PHTF2: variants seen among roughly 807,000 people sequenced by gnomAD.
PHTF2 encodes protein PHTF2.
A neutral mutation model predicts 101.2 loss-of-function variants in PHTF2; 60 were observed. That is an observed-to-expected ratio of 0.59 (90% CI 0.48 to 0.73). The LOEUF (loss-of-function observed/expected upper bound fraction) is 0.73, where lower values mean the gene tolerates loss of function less well. Ranked by LOEUF, PHTF2 falls within the 30% of genes least tolerant of loss-of-function variation. The pLI, the probability that PHTF2 is intolerant of heterozygous loss-of-function variation, is 0.00. For missense variants in PHTF2, 747 were observed against 908.7 expected (o/e 0.82, Z 2.29); for synonymous variants, 311 against 307.3 (o/e 1.01, Z -0.13).
At chr7:77,814,832 T>G (rs896712629) in intron 1 of PHTF2, among the ~76,000 whole-genome samples, 3 of 151,966 alleles carry the variant, frequency 2.0e-5, no homozygotes, top group African/African-American at 7.2e-5. Flanking sequence ...TCCAGCACTT[T>G]GGGAGGCTGA....
chr7:77,955,296 A>G (rs1032811595), exon 20 of PHTF2: 1 of 153,064 alleles, frequency 6.5e-6, no homozygotes, highest in African/African-American at 2.4e-5. Flanking sequence ...AGCTATACAC[A>G]TAAAACATTT....
chr7:77,850,360 C>CAAAAAAAAAAAAAAAAA (rs71082789), intron 2 of PHTF2, among the ~76,000 whole-genome samples: 12 of 44,390 alleles, frequency 2.7e-4, no homozygotes, highest in African/African-American at 4.3e-4. Context: ...GACCTTGTCT[C>CAAAAAAAAAAAAAAAAA]AAAAAAAAAA....
chr7:77,922,898 T>C, intron 11 of PHTF2, 120 bp downstream of exon 10: 1 of 1,284,274 alleles, frequency 7.8e-7, no homozygotes, highest in Middle Eastern at 2.8e-4. Flanking sequence ...TCAATATTTA[T>C]TATTGTTGTA....
intron 11 of PHTF2, chr7:77,923,176 C>T (rs1803642747): frequency 1.1e-6 from 1 of 945,850 alleles, no homozygotes; most frequent in Non-Finnish European, 1.3e-6. Flanking sequence ...ATTAAGTCCC[C>T]ATACTTCAAA....
chr7:77,823,131 C>G (rs1485684754), intron 1 of PHTF2, among the ~76,000 whole-genome samples: 1 of 152,020 alleles, frequency 6.6e-6, no homozygotes, highest in East Asian at 1.9e-4. Flanking sequence ...GTCTCAATCT[C>G]CTGACCTCGT....
chr7:77,820,531 C>CGT (rs1405050392), intron 1 of PHTF2, among the ~76,000 whole-genome samples: 1 of 149,698 alleles, frequency 6.7e-6, no homozygotes, highest in Admixed American at 6.6e-5. Flanking sequence ...TGTGTGTGTG[C>CGT]GTGTGTGTGT....
intron 1 of PHTF2, among the ~76,000 whole-genome samples, chr7:77,834,902 A>G (rs933199489): frequency 3.3e-5 from 5 of 152,152 alleles, no homozygotes; most frequent in African/African-American, 1.2e-4. Context: ...ACTGCTTTAC[A>G]TTTCTATTTA....
intron 1 of PHTF2, among the ~76,000 whole-genome samples, chr7:77,817,982 C>T (rs1045768688): frequency 2.0e-5 from 3 of 151,588 alleles, no homozygotes; most frequent in Admixed American, 6.6e-5. Context: ...TGGTGGCGGG[C>T]GCCTGTAATC....
intron 3 of PHTF2, among the ~76,000 whole-genome samples, chr7:77,859,300 A>G (rs938547940): frequency 6.6e-6 from 1 of 152,188 alleles, no homozygotes; most frequent in Admixed American, 6.5e-5. Context: ...TATTCAACCT[A>G]CTACTGAAGG....
At chr7:77,801,198 T>C (rs1278511256) in intron 1 of PHTF2, among the ~76,000 whole-genome samples, 1 of 152,212 alleles carries the variant, frequency 6.6e-6, no homozygotes, top group East Asian at 1.9e-4. Flanking sequence ...TATATACAGA[T>C]TGAGCATCTG....
intron 2 of PHTF2, among the ~76,000 whole-genome samples, chr7:77,843,413 C>T (rs1429973417): frequency 6.6e-6 from 1 of 152,182 alleles, no homozygotes; most frequent in Non-Finnish European, 1.5e-5. Flanking sequence ...AACTGACTCT[C>T]CTAGAATTCT....
intron 2 of PHTF2, among the ~76,000 whole-genome samples, chr7:77,846,575 TCGCC>T (rs1796306292): frequency 3.8e-5 from 1 of 26,316 alleles, no homozygotes; most frequent in African/African-American, 1.5e-4. Context: ...TCGCCTCCCC[TCGCC>T]TCCCCTCGCC....
intron 1 of PHTF2, among the ~76,000 whole-genome samples, chr7:77,825,833 C>A (rs1794660372): frequency 6.6e-6 from 1 of 152,056 alleles, no homozygotes; most frequent in South Asian, 2.1e-4. Flanking sequence ...AATAGCATGG[C>A]AACTCTACAA....
At chr7:77,921,374 G>A (rs1224560565) in intron 10 of PHTF2, among the ~76,000 whole-genome samples, 1 of 152,068 alleles carries the variant, frequency 6.6e-6, no homozygotes, top group African/African-American at 2.4e-5. Flanking sequence ...TGGTTGAACA[G>A]TTTATTCTTT....
chr7:77,835,553 A>G (rs1478329688), intron 1 of PHTF2, among the ~76,000 whole-genome samples: 1 of 152,142 alleles, frequency 6.6e-6, no homozygotes, highest in African/African-American at 2.4e-5. Context: ...AAAATCTGAC[A>G]ATGTGGGAGA....
At chr7:77,801,389 C>T (rs1246095352) in intron 1 of PHTF2, among the ~76,000 whole-genome samples, 2 of 152,100 alleles carry the variant, frequency 1.3e-5, no homozygotes, top group African/African-American at 2.4e-5. Flanking sequence ...AGTTCAAGAC[C>T]AGCCTGACCA....
At chr7:77,881,001 A>G (rs1040230485) in intron 3 of PHTF2, among the ~76,000 whole-genome samples, 1 of 152,028 alleles carries the variant, frequency 6.6e-6, no homozygotes, top group African/African-American at 2.4e-5. Flanking sequence ...TATCCCTCCA[A>G]TCACTCTCTC....
chr7:77,935,126 C>CG (rs1804974370), intron 12 of PHTF2, among the ~76,000 whole-genome samples: 2 of 66,002 alleles, frequency 3.0e-5, no homozygotes, highest in African/African-American at 9.0e-5. Context: ...ACATTCCCCC[C>CG]CCCCACACAC....
chr7:77,942,905 C>T (rs186702585), intron 16 of PHTF2, 119 bp downstream of exon 15: 7 of 539,762 alleles, frequency 1.3e-5, no homozygotes, highest in African/African-American at 1.2e-4. Context: ...TTGAAGTTAC[C>T]TTTTTGCAGT....
Sources: allele counts gnomAD v4.1 joint callset (sites outside exome capture counted in the v4.1 genomes callset), GRCh38; gene constraint gnomAD v4.1.1; transcripts MANE v1.5; gene names NCBI Gene and HGNC (gene_info 2026-07-23, HGNC 2026-07-21).